The following SCN1A variants were observed in gnomAD, a reference collection of about 807,000 sequenced individuals.
The protein encoded by SCN1A is sodium voltage-gated channel alpha subunit 1.
Under a neutral mutation model 193.7 loss-of-function variants are expected in SCN1A, and 13 were observed. The observed-to-expected ratio is 0.07, with a 90% CI of 0.04 to 0.11. The LOEUF (loss-of-function observed/expected upper bound fraction) is 0.11. Ranked by LOEUF, SCN1A falls within the 10% of genes least tolerant of loss-of-function variation. The probability of loss-of-function intolerance (pLI) is 1.00; values close to 1 mark genes in which losing one functional copy is unlikely to be tolerated. For missense variants in SCN1A, 1,432 were observed against 2,451.1 expected (o/e 0.58, Z 8.78); for synonymous variants, 781 against 843.6 (o/e 0.93, Z 1.29).
upstream of SCN1A, among the ~76,000 whole-genome samples, chr2:166,132,044 C>T (rs1691680579): frequency 6.6e-6 from 1 of 152,122 alleles, no homozygotes; most frequent in South Asian, 2.1e-4. Flanking sequence ...CCCTCTCTTC[C>T]CACCGCAGGA....
chr2:166,056,251 A>G (rs2105908755), intron 6 of SCN1A, among the ~76,000 whole-genome samples, 160 bp downstream of exon 6: 1 of 152,190 alleles, frequency 6.6e-6, no homozygotes, highest in African/African-American at 2.4e-5. Flanking sequence ...GTATAACGCC[A>G]GCAGGCCTGA....
Position 166,045,229 on chromosome 2 carries a change from C to G in SCN1A, c.1476G>C (p.Lys492Asn), listed in dbSNP as rs760938056. ...SSSEASKLSS[K>N]SAKERRNRRK... Reference sequence around the variant, plus strand: ...TCCGATTTCTTCTTTCCTTAGCACTCTTGGAACTCAACTTAGAGGCTTCAG... The same window carrying G: ...TCCGATTTCTTCTTTCCTTAGCACTGTTGGAACTCAACTTAGAGGCTTCAG... Residue 492 changes from lysine (K) to asparagine (N), a missense_variant, in exon 13 of 29, where the codon AAG becomes AAC. Lys to Asn is a moderately conservative substitution (Grantham distance 94). This residue lies in a region of SCN1A where 316 missense variants were observed against 362.1 expected (regional missense o/e 0.87). Transcript: ENST00000674923. The G allele has an allele frequency of 6.2e-7, 1 of 1,614,118 alleles. No homozygotes were observed.
At chr2:166,104,654 G>A (rs1688497180) in intron 2 of SCN1A, among the ~76,000 whole-genome samples, 1 of 152,146 alleles carries the variant, frequency 6.6e-6, no homozygotes, top group African/African-American at 2.4e-5. Flanking sequence ...GAGGTGGGGG[G>A]ATTGCTTGAG....
At chr2:166,147,421 A>G (rs1692367533) in intron 1 of SCN1A, among the ~76,000 whole-genome samples, 1 of 152,232 alleles carries the variant, frequency 6.6e-6, no homozygotes, top group Admixed American at 6.5e-5. Flanking sequence ...AATATATTTT[A>G]AGCTTATTAC....
rs10523688 is a variant in SCN1A at position 166,039,910 on chromosome 2, C to CT, written c.2416-315dup. ...AAACTAGGATTTGAGTACAAGTCAT[C>CT]TTTTTTTTTTTTTTTTTTTTTTTTT... is the stretch of plus-strand genomic sequence containing the variant. On this transcript the variant is annotated intron_variant, in intron 16 of 28. Coordinates refer to ENST00000674923, the MANE Select transcript of SCN1A (RefSeq NM_001165963.4). 3.6e-4 allele frequency among the ~76,000 whole-genome samples: 40 copies of CT among 110,876 alleles called. 1 individual carries two copies. Among genetic ancestry groups the CT allele is most frequent in the African/African-American group, 1.1e-3 (33 of 31,220 alleles). The allele number at this position is 110,876 out of a possible 152,430, so 72.7% of individuals were successfully genotyped here.
chr2:166,136,353 G>A (rs1691857024), intron 1 of SCN1A, among the ~76,000 whole-genome samples: 1 of 152,112 alleles, frequency 6.6e-6, no homozygotes, highest in African/African-American at 2.4e-5. Flanking sequence ...TCTTAGCAAG[G>A]ATGAAACTCA....
Position 166,118,842 on chromosome 2 carries a change from G to A in SCN1A, c.-142+8082C>T, listed in dbSNP as rs79495398. On this transcript the variant is annotated intron_variant, in intron 2 of 28. Coordinates refer to ENST00000674923, the MANE Select transcript of SCN1A (RefSeq NM_001165963.4). Reference sequence around the variant, plus strand: ...GAGATCCGGTTTCTCATCTTTATTGGATTTTTTCTTTAATCTTAAAATTAT... The same window carrying A: ...GAGATCCGGTTTCTCATCTTTATTGAATTTTTTCTTTAATCTTAAAATTAT... 9.5e-3 allele frequency among the ~76,000 whole-genome samples: 1,440 copies of A among 152,168 alleles called. 29 individuals are homozygous for A. Among genetic ancestry groups the A allele is most frequent in the African/African-American group, 0.031 (1,286 of 41,512 alleles).
intron 2 of SCN1A, among the ~76,000 whole-genome samples, chr2:166,106,199 AAAAC>A (rs1287460289): frequency 2.6e-5 from 4 of 152,162 alleles, no homozygotes; most frequent in African/African-American, 4.8e-5. Context: ...AACAAAAACA[AAAAC>A]AAACAAAAAA....
chr2:166,036,122 C>T lies in SCN1A; in HGVS notation c.3355G>A (p.Val1119Ile), dbSNP rs774410570. The T allele has an allele frequency of 2.5e-6, 4 of 1,613,834 alleles. No individual in the cohort carries two copies. The highest frequency in any genetic ancestry group is 1.3e-5 in the African/African-American group (1 of 74,898). Residue 1119 changes from valine (V) to isoleucine (I), a missense_variant, in exon 19 of 29, where the codon GTA becomes ATA. Val to Ile is a conservative substitution (Grantham distance 29, BLOSUM62 3). Around this residue, in one of 18 missense-constraint regions of SCN1A, gnomAD observed 198 missense variants for 225.8 expected, o/e 0.88. Transcript: ENST00000674923. ...PSLTVTVPIA[V>I]GESDFENLNT... ...AAATTTTCAAAGTCAGATTCTCCTA[C>T]AGCAATTGGTACAGTCACAGTAAGA...
chr2:165,998,256 GA>G (rs1690361001), intron 25 of SCN1A, 81 bp from the exon 26 acceptor site: 4 of 1,188,622 alleles, frequency 3.4e-6, no homozygotes, highest in Admixed American at 2.1e-5. Context: ...CATAACAATA[GA>G]AAAAATTATT....
At chr2:166,114,785 C>T (rs947344227) in intron 2 of SCN1A, among the ~76,000 whole-genome samples, 1 of 151,924 alleles carries the variant, frequency 6.6e-6, no homozygotes, top group African/African-American at 2.4e-5. Context: ...ATTCTGATGG[C>T]ATTAAAAAAT....
chr2:166,072,777 G>C (rs916476317), intron 4 of SCN1A, among the ~76,000 whole-genome samples: 4 of 134,048 alleles, frequency 3.0e-5, no homozygotes, highest in Admixed American at 2.2e-4. Context: ...TGTTAAATTA[G>C]CTGCCTCTTT....
At chr2:166,031,534 T>G (rs1695552629) in intron 19 of SCN1A, among the ~76,000 whole-genome samples, 1 of 152,082 alleles carries the variant, frequency 6.6e-6, no homozygotes, top group African/African-American at 2.4e-5. Flanking sequence ...ATCAAAACAA[T>G]TTAAAAATAA....
intron 1 of SCN1A, 70 bp from the exon 2 acceptor site, chr2:166,127,080 G>A (rs574247909): frequency 8.5e-5 from 13 of 152,324 alleles, no homozygotes; most frequent in Non-Finnish European, 1.3e-4. Context: ...TGTGACCTCT[G>A]TCTAAGTAAA....
chr2:166,126,795 T>C (rs1325059925), intron 2 of SCN1A, 129 bp downstream of exon 2: 2 of 152,244 alleles, frequency 1.3e-5, no homozygotes, highest in Admixed American at 6.5e-5. Flanking sequence ...AATTGTTGCA[T>C]TGGACAGGTG....
At chr2:166,135,867 G>A (rs1691835933) in intron 1 of SCN1A, among the ~76,000 whole-genome samples, 1 of 152,198 alleles carries the variant, frequency 6.6e-6, no homozygotes, top group Non-Finnish European at 1.5e-5. Flanking sequence ...TCAAATAGCA[G>A]AGAACTGAGA....
intron 1 of SCN1A, among the ~76,000 whole-genome samples, chr2:166,142,912 C>T (rs985194367): frequency 1.3e-5 from 2 of 152,176 alleles, no homozygotes; most frequent in Admixed American, 6.5e-5. Flanking sequence ...TTGCCTGCAG[C>T]CATGTAAGGC....
intron 1 of SCN1A, among the ~76,000 whole-genome samples, chr2:166,145,079 G>A (rs1692254980): frequency 1.3e-5 from 2 of 151,372 alleles, no homozygotes; most frequent in Non-Finnish European, 2.9e-5. Flanking sequence ...CTCATGATCT[G>A]CCAGCCTTGG....
intron 7 of SCN1A, chr2:166,053,257 T>G (rs992161602): frequency 5.5e-5 from 33 of 604,620 alleles, no homozygotes; most frequent in Non-Finnish European, 9.7e-5. Flanking sequence ...AGGAATTAGA[T>G]TCCATCATTA....
Sources: allele counts gnomAD v4.1 joint callset (sites outside exome capture counted in the v4.1 genomes callset), GRCh38; gene constraint gnomAD v4.1.1; regional missense constraint gnomAD v4.1.1; transcripts MANE v1.5; gene names NCBI Gene and HGNC (gene_info 2026-07-23, HGNC 2026-07-21).